Variants in ZNF429 observed in about 807,000 individuals in gnomAD.
The protein encoded by ZNF429 is zinc finger protein 429.
Under a neutral mutation model 56.8 loss-of-function variants are expected in ZNF429, and 53 were observed. The observed-to-expected ratio is 0.93, with a 90% CI of 0.75 to 1.17. The LOEUF is 1.17. Ranked by LOEUF, ZNF429 falls within the 50% of genes most tolerant of loss-of-function variation. The pLI, the probability that ZNF429 is intolerant of heterozygous loss-of-function variation, is 0.00. For synonymous variants in ZNF429, 278 were observed against 264.7 expected (o/e 1.05, Z -0.49); for missense variants, 849 against 788.4 (o/e 1.08, Z -0.92).
Position 21,512,479 on chromosome 19 carries a change from A to T in ZNF429, c.3+6705A>T, listed in dbSNP as rs142164419. Among the ~76,000 whole-genome samples, 612 of 151,850 alleles carry T rather than the reference A, an allele frequency of 4.0e-3. 3 individuals carry two copies. The highest frequency in any genetic ancestry group is 0.014 in the African/African-American group (589 of 41,422). ...GTTCGAGACCAGCCTGACCAACATGATGAAACCCCATCTCTACTAAAAAAA... is the reference window on the plus strand; with the variant it reads ...GTTCGAGACCAGCCTGACCAACATGTTGAAACCCCATCTCTACTAAAAAAA... On this transcript the variant is annotated intron_variant, in intron 1 of 3. Coordinates refer to ENST00000358491, the MANE Select transcript of ZNF429 (RefSeq NM_001001415.4).
chr19:21,530,480 G>A, intron 2 of ZNF429, 109 bp from the exon 3 acceptor site: 7 of 609,300 alleles, frequency 1.1e-5, no homozygotes, highest in Non-Finnish European at 1.8e-5. Flanking sequence ...TGGTATTTGG[G>A]CATTAATTTA....
chr19:21,531,114 A>AAAAAAAAAAC, intron 3 of ZNF429, among the ~76,000 whole-genome samples: 3 of 98,200 alleles, frequency 3.1e-5, no homozygotes, highest in African/African-American at 9.8e-5. Flanking sequence ...CTCAAAAAAA[A>AAAAAAAAAAC]AAAAAAAAAA....
chr19:21,519,669 T>C (rs1036575784), intron 1 of ZNF429, among the ~76,000 whole-genome samples: 1 of 152,194 alleles, frequency 6.6e-6, no homozygotes, highest in Non-Finnish European at 1.5e-5. Flanking sequence ...TGGCCCAGTC[T>C]CTGGATGTTA....
At chr19:21,510,428 T>G (rs1231815343) in intron 1 of ZNF429, among the ~76,000 whole-genome samples, 5 of 152,164 alleles carry the variant, frequency 3.3e-5, no homozygotes, top group Non-Finnish European at 7.3e-5. Context: ...TAGGGTTCTT[T>G]GATCACACGC....
chr19:21,535,531 T>C lies in ZNF429; in HGVS notation c.227-749T>C. ...TCTTTCTTTCCTTCTTTTTCTTTTTTTGAGACAGAGTCTTGCTCTGTTGCC... is the reference window on the plus strand; with the variant it reads ...TCTTTCTTTCCTTCTTTTTCTTTTTCTGAGACAGAGTCTTGCTCTGTTGCC... On this transcript the variant is annotated intron_variant, in intron 3 of 3. Transcript: ENST00000358491. 6.8e-5 allele frequency among the ~76,000 whole-genome samples: 10 copies of C among 148,074 alleles called. No homozygotes were observed. The Admixed American group carries it at 6.9e-4, about 10-fold the overall frequency.
chr19:21,535,337 TTCTTTCCTTTC>T, intron 3 of ZNF429, among the ~76,000 whole-genome samples: 4,862 of 135,540 alleles, frequency 0.036, 842 homozygotes, highest in Non-Finnish European at 0.047. Flanking sequence ...CTCTTTTCTT[TTCTTTCCTTTC>T]CTTTCTTTTC....
chr19:21,525,844 T>A (rs1241327126), intron 1 of ZNF429, among the ~76,000 whole-genome samples: 4,487 of 110,074 alleles, frequency 0.041, no homozygotes, highest in African/African-American at 0.11. Context: ...TTTTATTTTT[T>A]AAAAATCAAT....
At chr19:21,525,630 T>C (rs1364764239) in intron 1 of ZNF429, among the ~76,000 whole-genome samples, 1 of 152,158 alleles carries the variant, frequency 6.6e-6, no homozygotes, top group Non-Finnish European at 1.5e-5. Context: ...AGTGGAAAAA[T>C]ACGTATTTTT....
chr19:21,529,609 A>T, intron 1 of ZNF429, 49 bp from the exon 2 acceptor site: 6 of 1,426,730 alleles, frequency 4.2e-6, no homozygotes, highest in Non-Finnish European at 5.5e-6. Context: ...CTTGGTCAAT[A>T]TATTTCTCTC....
In ZNF429 at chr19:21,537,638, A is replaced by C; in HGVS notation, c.1585A>C (p.Lys529Gln). 2 of 1,613,590 alleles carry C rather than the reference A, an allele frequency of 1.2e-6. No individual in the cohort carries two copies. Among genetic ancestry groups the C allele is most frequent in the Non-Finnish European group, 8.5e-7 (1 of 1,179,822 alleles). Residue 529 changes from lysine (K) to glutamine (Q), a missense_variant, in exon 4 of 4, where the codon AAA becomes CAA. Coordinates refer to ENST00000358491, the MANE Select transcript of ZNF429 (RefSeq NM_001001415.4). ...GTCCTCAAGACTTACTCAACATAAG[A>C]AAATTCATACTGGAGAGAAACCTTA... is the stretch of plus-strand genomic sequence containing the variant. ...ILSSRLTQHK[K>Q]IHTGEKPYKC...
chr19:21,536,879 A>C lies in ZNF429; in HGVS notation c.826A>C (p.Lys276Gln). 7 of 1,613,892 alleles carry C rather than the reference A, an allele frequency of 4.3e-6. No individual in the cohort carries two copies. The highest frequency in any genetic ancestry group is 5.9e-6 in the Non-Finnish European group (7 of 1,179,970). Residue 276 changes from lysine to glutamine, a missense_variant, in exon 4 of 4, where the codon AAG becomes CAG. Lys to Gln is a moderately conservative substitution (Grantham distance 53). Coordinates refer to ENST00000358491, the MANE Select transcript of ZNF429 (RefSeq NM_001001415.4). ...CAGGTACTCAACCCTTACTACCCATAAGAGAATTCATTCTGGAGAGAAGCC... is the reference window on the plus strand; with the variant it reads ...CAGGTACTCAACCCTTACTACCCATCAGAGAATTCATTCTGGAGAGAAGCC... The part of the protein sequence containing the change: ...FSRYSTLTTH[K>Q]RIHSGEKPYK...
At chr19:21,509,374 A>C (rs2032345354) in intron 1 of ZNF429, among the ~76,000 whole-genome samples, 1 of 152,190 alleles carries the variant, frequency 6.6e-6, no homozygotes, top group Non-Finnish European at 1.5e-5. Context: ...TTTCTTATTG[A>C]GGTATGAAAT....
At chr19:21,506,743 A>C (rs2032178906) in intron 1 of ZNF429, among the ~76,000 whole-genome samples, 1 of 151,130 alleles carries the variant, frequency 6.6e-6, no homozygotes, top group South Asian at 2.1e-4. Flanking sequence ...TTTACAAAAA[A>C]AAAAGCATTT....
chr19:21,525,706 G>A (rs1268526981), intron 1 of ZNF429, among the ~76,000 whole-genome samples: 1 of 149,962 alleles, frequency 6.7e-6, no homozygotes, highest in East Asian at 1.9e-4. Context: ...TATTCCTGCA[G>A]ATCCAGTAGT....
chr19:21,525,032 G>GTTTAGAC (rs2033113889), intron 1 of ZNF429, among the ~76,000 whole-genome samples: 1 of 152,048 alleles, frequency 6.6e-6, no homozygotes, highest in South Asian at 2.1e-4. Flanking sequence ...AAAACTCTTG[G>GTTTAGAC]TTTAGACTAT....
At chr19:21,519,804 G>A (rs2032920632) in intron 1 of ZNF429, among the ~76,000 whole-genome samples, 1 of 151,770 alleles carries the variant, frequency 6.6e-6, no homozygotes. Flanking sequence ...CTATTATTGT[G>A]TCAGAATCTA....
In ZNF429 at chr19:21,529,467, G is replaced by T. The variant is rs915845025; in HGVS notation, c.4-191G>T. 5.4e-6 allele frequency: 5 copies of T among 930,172 alleles called. No individual in the cohort carries two copies. The East Asian group carries it at 5.9e-4, about 109-fold the overall frequency. 57.6% of individuals were successfully genotyped at this position (930,172 alleles called of 1,614,324 possible). On this transcript the variant is annotated intron_variant, in intron 1 of 3. Transcript: ENST00000358491. Reference sequence around the variant, plus strand: ...ATGCCACTATTTTCTCAAAGTTAGAGAATATATTAGAGAACATTTCTGTTT... The same window carrying T: ...ATGCCACTATTTTCTCAAAGTTAGATAATATATTAGAGAACATTTCTGTTT...
chr19:21,527,031 A>G (rs966435997), intron 1 of ZNF429, among the ~76,000 whole-genome samples: 3 of 152,218 alleles, frequency 2.0e-5, no homozygotes, highest in African/African-American at 7.2e-5. Context: ...GTCAGCAAAG[A>G]ATATGATACT....
chr19:21,536,171 C>T, intron 3 of ZNF429, 109 bp from the exon 4 acceptor site: 2 of 1,112,532 alleles, frequency 1.8e-6, no homozygotes, highest in Non-Finnish European at 2.5e-6. Context: ...TGGTATTTTG[C>T]TATGCTGTGT....
Sources: gnomAD v4.1 joint callset for allele counts (sites outside exome capture counted in the v4.1 genomes callset) on GRCh38, gnomAD v4.1.1 for gene constraint, MANE v1.5 for transcripts, NCBI Gene and HGNC (gene_info 2026-07-23, HGNC 2026-07-21) for gene names.